Variants in DMD observed in about 807,000 individuals in gnomAD.
The protein encoded by DMD is mutant dystrophin.
A neutral mutation model predicts 330.1 loss-of-function variants in DMD; 63 were observed. That is an observed-to-expected ratio of 0.19 (90% confidence interval 0.16 to 0.24). The LOEUF (loss-of-function observed/expected upper bound fraction) is 0.24, where lower values mean the gene tolerates loss of function less well. DMD is among the 10% of genes least tolerant of loss of function. The probability of loss-of-function intolerance (pLI) is 1.00; values close to 1 mark genes in which losing one functional copy is unlikely to be tolerated. For missense variants in DMD, 3,344 were observed against 2,684.1 expected (o/e 1.25, Z -5.43); for synonymous variants, 1,223 against 959.8 (o/e 1.27, Z -5.07).
intron 9 of DMD, among the ~76,000 whole-genome samples, chrX:32,688,778 A>G (rs1301238560): frequency 8.9e-6 from 1 of 111,757 alleles, no homozygotes; most frequent in African/African-American, 3.2e-5. Flanking sequence ...TGTTCTTCGA[A>G]AAGTTTAACA....
chrX:32,863,811 A>G (rs1347020312), intron 2 of DMD, among the ~76,000 whole-genome samples: 1 of 112,071 alleles, frequency 8.9e-6, no homozygotes, highest in Non-Finnish European at 1.9e-5. Context: ...TGGACAATAT[A>G]GGTGACAAGA....
At chrX:32,956,917 T>G (rs1273484921) in intron 2 of DMD, among the ~76,000 whole-genome samples, 1 of 112,114 alleles carries the variant, frequency 8.9e-6, no homozygotes, top group African/African-American at 3.2e-5. Context: ...TTTGTTTGTT[T>G]AAATATTTAG....
At chrX:32,178,315 A>G (rs761514166) in intron 44 of DMD, among the ~76,000 whole-genome samples, 5 of 110,140 alleles carry the variant, frequency 4.5e-5, no homozygotes, top group African/African-American at 1.6e-4. Context: ...CATTCCTAAT[A>G]TGTGTTTGTA....
In DMD at chrX:32,714,937, G is replaced by A. The variant is rs187316012; in HGVS notation, c.650-15644C>T. Among the ~76,000 whole-genome samples, 5 of 110,289 alleles carry A rather than the reference G, an allele frequency of 4.5e-5. No homozygotes were observed. The East Asian group carries it at 8.6e-4, about 19-fold the overall frequency. On this transcript the variant is annotated intron_variant, in intron 7 of 78. Transcript: ENST00000357033. ...AACATATCCATCATCTCACATAATC[G>A]TTCCCCCACCCTCTGACCACGAGAA...
intron 8 of DMD, 142 bp from the exon 9 acceptor site, chrX:32,698,140 A>T (rs1364531886): frequency 1.5e-6 from 1 of 652,146 alleles, no homozygotes; most frequent in East Asian, 3.7e-5. Context: ...AAACATATAT[A>T]AATGATATTC....
chrX:31,513,796 T>G (rs1300327323), intron 55 of DMD, among the ~76,000 whole-genome samples: 1 of 111,621 alleles, frequency 9.0e-6, no homozygotes, highest in East Asian at 2.8e-4. Context: ...GCACTGTATA[T>G]ACATGAGCTC....
intron 2 of DMD, among the ~76,000 whole-genome samples, chrX:32,944,414 T>C (rs1033148778): frequency 1.4e-4 from 16 of 111,837 alleles, no homozygotes; most frequent in South Asian, 3.7e-4. Flanking sequence ...ATTGAATATT[T>C]GTTCAAGGTG....
chrX:31,722,931 C>T (rs1018823265), intron 52 of DMD, among the ~76,000 whole-genome samples: 2 of 110,228 alleles, frequency 1.8e-5, no homozygotes, highest in African/African-American at 6.6e-5. Flanking sequence ...GCCTGTAATG[C>T]CAGCTACTCG....
At chrX:31,392,672 C>T (rs2148797461) in intron 60 of DMD, among the ~76,000 whole-genome samples, 1 of 112,371 alleles carries the variant, frequency 8.9e-6, no homozygotes, top group East Asian at 2.8e-4. Flanking sequence ...ACAATTGAGA[C>T]TTGAAGGCTA....
intron 51 of DMD, among the ~76,000 whole-genome samples, chrX:31,758,600 C>CTTTTG (rs1301217902): frequency 9.0e-6 from 1 of 111,298 alleles, no homozygotes; most frequent in African/African-American, 3.3e-5. Flanking sequence ...ACTATACTAC[C>CTTTTG]ATTGCCCTTT....
intron 55 of DMD, among the ~76,000 whole-genome samples, chrX:31,555,119 T>C (rs1471274686): frequency 2.7e-5 from 3 of 111,644 alleles, no homozygotes; most frequent in African/African-American, 6.5e-5. Context: ...TGAAGGGCCA[T>C]GTAAGTAGTG....
chrX:31,499,581 T>C (rs1569547481), intron 56 of DMD, among the ~76,000 whole-genome samples: 1 of 96,542 alleles, frequency 1.0e-5, no homozygotes, highest in Non-Finnish European at 2.0e-5. Flanking sequence ...CACCTCCACC[T>C]CCCGGGTTCA....
At chrX:32,105,208 A>T (rs1452382650) in intron 44 of DMD, among the ~76,000 whole-genome samples, 1 of 111,780 alleles carries the variant, frequency 8.9e-6, no homozygotes, top group Non-Finnish European at 1.9e-5. Flanking sequence ...ATATTCCAGC[A>T]GAAACAGAAA....
intron 59 of DMD, among the ~76,000 whole-genome samples, chrX:31,465,228 T>A (rs1215853346): frequency 1.8e-5 from 2 of 111,388 alleles, no homozygotes; most frequent in African/African-American, 3.3e-5. Flanking sequence ...TATTATACTT[T>A]AAGTTCTGGG....
chrX:32,829,769 A>G (rs141582868), intron 4 of DMD, among the ~76,000 whole-genome samples: 4,107 of 111,552 alleles, frequency 0.037, 76 homozygotes, highest in Non-Finnish European at 0.057. Flanking sequence ...GAGTTCATGA[A>G]CATTTTACAT....
At chrX:32,481,861 G>T (rs1416159632) in intron 21 of DMD, among the ~76,000 whole-genome samples, 3 of 111,746 alleles carry the variant, frequency 2.7e-5, no homozygotes, top group Admixed American at 9.6e-5. Flanking sequence ...CTAGTGCCCA[G>T]CACTTTTACG....
intron 1 of DMD, among the ~76,000 whole-genome samples, chrX:33,140,435 A>T (rs751425962): frequency 5.4e-4 from 61 of 112,172 alleles, no homozygotes; most frequent in African/African-American, 1.8e-3. Context: ...TTTAAATGGA[A>T]TATTTTCAAC....
chrX:32,188,586 C>G (rs2096957914), intron 44 of DMD, among the ~76,000 whole-genome samples: 1 of 107,634 alleles, frequency 9.3e-6, no homozygotes, highest in African/African-American at 3.4e-5. Context: ...TTCCTGGACT[C>G]TCACTTGTAA....
chrX:32,742,036 A>G (rs1024217225), intron 7 of DMD, among the ~76,000 whole-genome samples: 1 of 111,623 alleles, frequency 9.0e-6, no homozygotes, highest in South Asian at 3.8e-4. Context: ...CAAATGGTCC[A>G]ACTCTTGACT....
Sources: allele counts gnomAD v4.1 joint callset (sites outside exome capture counted in the v4.1 genomes callset), GRCh38; gene constraint gnomAD v4.1.1; transcripts MANE v1.5; gene names NCBI Gene and HGNC (gene_info 2026-07-23, HGNC 2026-07-21).